The following KLHL29 variants were observed in gnomAD, a reference collection of about 807,000 sequenced individuals.
KLHL29 encodes kelch-like protein 29.
A neutral mutation model predicts 80.4 loss-of-function variants in KLHL29; 21 were observed. The ratio of observed to expected loss-of-function variants is 0.26; its 90% CI spans 0.19 to 0.38. KLHL29 has a LOEUF of 0.38. Among genes scored for constraint, KLHL29 ranks in the 10% least tolerant of loss-of-function variants. The probability of loss-of-function intolerance (pLI) is 1.00; values close to 1 mark genes in which losing one functional copy is unlikely to be tolerated. For missense variants in KLHL29, 867 were observed against 1,223.9 expected, an observed-to-expected ratio of 0.71 and a Z score of 4.35; for synonymous variants, 511 against 526.8, an observed-to-expected ratio of 0.97 and a Z score of 0.41.
intron 2 of KLHL29, among the ~76,000 whole-genome samples, chr2:23,560,288 T>C (rs1667415969): frequency 9.5e-6 from 1 of 105,220 alleles, no homozygotes; most frequent in Admixed American, 9.5e-5. Flanking sequence ...TTTTTTTTTT[T>C]TGAGACGGAG....
chr2:23,521,716 G>A (rs1273392815), intron 2 of KLHL29, among the ~76,000 whole-genome samples: 1 of 152,204 alleles, frequency 6.6e-6, no homozygotes, highest in East Asian at 1.9e-4. Flanking sequence ...CAGAGGCTCA[G>A]TTTCAGCACG....
chr2:23,626,511 G>A (rs1030374539), intron 3 of KLHL29, among the ~76,000 whole-genome samples: 5 of 152,236 alleles, frequency 3.3e-5, no homozygotes, highest in Admixed American at 6.5e-5. Flanking sequence ...CCCAAGCCTT[G>A]AGGGGCTGTC....
At chr2:23,563,402 C>T (rs968948080) in intron 3 of KLHL29, among the ~76,000 whole-genome samples, 5 of 152,224 alleles carry the variant, frequency 3.3e-5, no homozygotes. Flanking sequence ...GTGCAGGCTG[C>T]CTTTGCCTCT....
chr2:23,703,805 C>A lies in KLHL29; in HGVS notation c.2386C>A (p.Pro796Thr). 1 of 1,537,514 alleles carries A rather than the reference C, an allele frequency of 6.5e-7. No individual in the cohort carries two copies. Among genetic ancestry groups the A allele is most frequent in the Non-Finnish European group, 8.7e-7 (1 of 1,146,974 alleles). Residue 796 changes from proline to threonine, a missense_variant, in exon 13 of 14, where the codon CCT becomes ACT. Physicochemically the swap from Pro to Thr is conservative, Grantham distance 38. This residue lies in a region of KLHL29 where 443 missense variants were observed against 767.0 expected (regional missense o/e 0.58). Transcript: ENST00000486442. ...TGCCAGAGCTACCACCATCTACGACCCTGAGAAAGGAAACATTAAGGCGGG... is the reference window on the plus strand; with the variant it reads ...TGCCAGAGCTACCACCATCTACGACACTGAGAAAGGAAACATTAAGGCGGG... ...AYARATTIYD[P>T]EKGNIKAGPN...
intron 2 of KLHL29, among the ~76,000 whole-genome samples, chr2:23,544,942 A>G (rs1027016020): frequency 2.0e-5 from 3 of 152,208 alleles, no homozygotes; most frequent in African/African-American, 2.4e-5. Context: ...GATGGGAGCC[A>G]TTGCAGGGAC....
At chr2:23,490,237 T>C (rs7601971) in intron 2 of KLHL29, among the ~76,000 whole-genome samples, 64,552 of 151,908 alleles carry the variant, frequency 0.42, 14,427 homozygotes, top group East Asian at 0.58. Flanking sequence ...ATAAGCTATT[T>C]TGTAGGCCAT....
intron 3 of KLHL29, among the ~76,000 whole-genome samples, chr2:23,591,507 C>T (rs1668259761): frequency 1.3e-5 from 2 of 149,706 alleles, no homozygotes; most frequent in African/African-American, 4.9e-5. Flanking sequence ...CCATCCCAAC[C>T]CCCATGTTCC....
intron 1 of KLHL29, among the ~76,000 whole-genome samples, chr2:23,405,076 T>C (rs1666692527): frequency 6.6e-6 from 1 of 152,216 alleles, no homozygotes; most frequent in Non-Finnish European, 1.5e-5. Flanking sequence ...TACTGGAGTA[T>C]GATTTAGATA....
At chr2:23,515,874 A>G (rs1461936366) in intron 2 of KLHL29, among the ~76,000 whole-genome samples, 4 of 152,318 alleles carry the variant, frequency 2.6e-5, no homozygotes, top group Admixed American at 2.0e-4. Flanking sequence ...TGGTGGCTCC[A>G]TGAGTGAGTT....
intron 2 of KLHL29, among the ~76,000 whole-genome samples, chr2:23,514,624 T>C (rs937008874): frequency 1.3e-5 from 2 of 152,200 alleles, no homozygotes; most frequent in African/African-American, 2.4e-5. Flanking sequence ...CACTTGACCA[T>C]GTGGCCTGGA....
chr2:23,451,096 T>A (rs1354081899), intron 1 of KLHL29, among the ~76,000 whole-genome samples: 1 of 152,236 alleles, frequency 6.6e-6, no homozygotes, highest in Non-Finnish European at 1.5e-5. Flanking sequence ...GAAATTTTTT[T>A]AAGTTTGTCT....
chr2:23,681,069 G>A lies in KLHL29; in HGVS notation c.941-3330G>A, dbSNP rs1430839701. Among the ~76,000 whole-genome samples, 4 of 152,194 alleles carry A rather than the reference G, an allele frequency of 2.6e-5. No individual in the cohort carries two copies. Among genetic ancestry groups the A allele is most frequent in the East Asian group, 3.9e-4 (2 of 5,184 alleles). ...GGGAGGAGGGCAGCCTGTGCCCAGC[G>A]GGTCCTGGTGTCCCCTTGTGGATTC... On this transcript the variant is annotated intron_variant, in intron 5 of 13. Transcript: ENST00000486442. This position sits in a 1 kb window ranked among gnomAD's most constrained non-coding sequence, Gnocchi z 4.2.
At chr2:23,598,535 G>A (rs895953730) in intron 3 of KLHL29, among the ~76,000 whole-genome samples, 1 of 152,178 alleles carries the variant, frequency 6.6e-6, no homozygotes, top group African/African-American at 2.4e-5. Flanking sequence ...CTACAGCCAT[G>A]GACAGCTGTG....
chr2:23,450,078 A>G (rs539228635), intron 1 of KLHL29, among the ~76,000 whole-genome samples: 8 of 152,318 alleles, frequency 5.3e-5, no homozygotes, highest in African/African-American at 1.2e-4. Flanking sequence ...TCGATCGCCA[A>G]TTAAAAAGCT....
At chr2:23,651,405 C>T (rs1670083838) in intron 5 of KLHL29, among the ~76,000 whole-genome samples, 1 of 152,106 alleles carries the variant, frequency 6.6e-6, no homozygotes, top group African/African-American at 2.4e-5. Flanking sequence ...TTGCAAATGA[C>T]CTCTCGGTGT....
At chr2:23,419,970 C>T (rs1373254421) in intron 1 of KLHL29, among the ~76,000 whole-genome samples, 2 of 152,194 alleles carry the variant, frequency 1.3e-5, no homozygotes, top group Admixed American at 6.5e-5. Context: ...TGTCATGTAA[C>T]ACATCACAAA....
intron 1 of KLHL29, among the ~76,000 whole-genome samples, chr2:23,437,104 C>T (rs1663366545): frequency 6.6e-6 from 1 of 152,174 alleles, no homozygotes; most frequent in Admixed American, 6.5e-5. Flanking sequence ...GATTGAAAGC[C>T]CGGGTTCAGC....
intron 3 of KLHL29, among the ~76,000 whole-genome samples, chr2:23,621,479 G>C (rs1669180358): frequency 6.6e-6 from 1 of 151,856 alleles, no homozygotes; most frequent in African/African-American, 2.4e-5. Context: ...AAGAGAGGAG[G>C]GTGAGGAGAG....
chr2:23,548,535 A>T (rs1374277583), intron 2 of KLHL29, among the ~76,000 whole-genome samples: 1 of 152,194 alleles, frequency 6.6e-6, no homozygotes, highest in East Asian at 1.9e-4. Context: ...AGCAGAAAGG[A>T]CACATGCTTT....
Sources: gnomAD v4.1 joint callset for allele counts (sites outside exome capture counted in the v4.1 genomes callset) on GRCh38, gnomAD v4.1.1 for gene constraint, gnomAD v4.1.1 regional missense constraint, Gnocchi (gnomAD v3.1) non-coding constraint, MANE v1.5 for transcripts, NCBI Gene and HGNC (gene_info 2026-07-23, HGNC 2026-07-21) for gene names.